PCDHGA3: variants seen among roughly 807,000 people sequenced by gnomAD.
PCDHGA3 encodes protocadherin gamma-A3.
In PCDHGA3, 40 loss-of-function variants were observed where a neutral mutation model predicts 58.5. The observed-to-expected ratio is 0.68, with a 90% CI of 0.53 to 0.89. PCDHGA3 has a LOEUF of 0.89. PCDHGA3 is among the 40% of genes least tolerant of loss of function. The pLI, the probability that PCDHGA3 is intolerant of heterozygous loss-of-function variation, is 0.00. For missense variants in PCDHGA3, 1,223 were observed against 1,195.9 expected, an observed-to-expected ratio of 1.02 and a Z score of -0.33; for synonymous variants, 530 against 525.7, an observed-to-expected ratio of 1.01 and a Z score of -0.11.
chr5:141,360,046 C>T, intron 1 of PCDHGA3: 1 of 1,430,464 alleles, frequency 7.0e-7, no homozygotes, highest in Non-Finnish European at 9.2e-7. Context: ...AAACAGAAAA[C>T]AAAAGCAGGA....
chr5:141,361,015 T>C (rs374836690), intron 1 of PCDHGA3: 72 of 1,613,142 alleles, frequency 4.5e-5, no homozygotes, highest in Non-Finnish European at 6.0e-5. Flanking sequence ...CTTTTTCAAC[T>C]TAAATGAAAA....
intron 1 of PCDHGA3, among the ~76,000 whole-genome samples, chr5:141,373,147 T>C (rs1769357441): frequency 6.6e-6 from 1 of 152,270 alleles, no homozygotes; most frequent in African/African-American, 2.4e-5. Flanking sequence ...TTAAGTGGTT[T>C]ACTTAGTTTT....
intron 2 of PCDHGA3, 91 bp from the exon 3 acceptor site, chr5:141,505,302 G>T: frequency 6.3e-7 from 1 of 1,592,714 alleles, no homozygotes; most frequent in Non-Finnish European, 8.5e-7. Context: ...TAGGGTTAGG[G>T]TACTAGGTTT....
At chr5:141,501,550 A>G (rs1251701030) in intron 2 of PCDHGA3, among the ~76,000 whole-genome samples, 3 of 152,078 alleles carry the variant, frequency 2.0e-5, no homozygotes, top group Non-Finnish European at 4.4e-5. Flanking sequence ...ATAAGATCAT[A>G]GGCCCTGGAA....
At chr5:141,354,048 A>G (rs889128312) in intron 1 of PCDHGA3, among the ~76,000 whole-genome samples, 1 of 152,256 alleles carries the variant, frequency 6.6e-6, no homozygotes, top group African/African-American at 2.4e-5. Flanking sequence ...GGCACATGCA[A>G]TGATAATCCA....
At chr5:141,356,269 C>T in intron 1 of PCDHGA3, 1 of 1,562,502 alleles carries the variant, frequency 6.4e-7, no homozygotes, top group Non-Finnish European at 8.7e-7. Context: ...CAGCTCAGTC[C>T]AGGAATCTTC....
At chr5:141,385,465 G>T in intron 1 of PCDHGA3, 1 of 1,441,910 alleles carries the variant, frequency 6.9e-7, no homozygotes, top group Non-Finnish European at 9.1e-7. Flanking sequence ...TCCTTCAGTG[G>T]TGACACTTTA....
In PCDHGA3 at chr5:141,345,460, C is replaced by T. The variant is rs1757577110; in HGVS notation, c.1427C>T (p.Ala476Val). 1 of 1,614,172 alleles carries T rather than the reference C, an allele frequency of 6.2e-7. No individual in the cohort carries two copies. The change falls in exon 1 of 4, where the codon GCC (alanine) becomes GTC (valine). Residue 476 changes from alanine (A) to valine (V), a missense_variant. By Grantham distance (64) the Ala-to-Val change is moderately conservative. Around this residue, in one of 3 missense-constraint regions of PCDHGA3, gnomAD observed 791 missense variants for 708.5 expected, o/e 1.12. Transcript: ENST00000253812. ...GGAGCCTCCATCTTCTCAGTGACAG[C>T]CCAGGACCCAGATAGCAACAACAAC... The part of the protein sequence containing the change: ...PRGASIFSVT[A>V]QDPDSNNNAR...
chr5:141,414,421 A>AGGGAACAG (rs1486483287), intron 1 of PCDHGA3: 1 of 1,613,776 alleles, frequency 6.2e-7, no homozygotes, highest in Non-Finnish European at 8.5e-7. Context: ...AGCCCTTGAC[A>AGGGAACAG]GGGAACAGGT....
chr5:141,428,266 G>A (rs764763674), intron 1 of PCDHGA3: 1 of 810,620 alleles, frequency 1.2e-6, no homozygotes. Context: ...TGACAGTCCT[G>A]TGCCCTCTGA....
In PCDHGA3 at chr5:141,347,143, CTT is replaced by C. The variant is rs1561493446; in HGVS notation, c.2424+688_2424+689del. On this transcript the variant is annotated intron_variant, in intron 1 of 3. Transcript: ENST00000253812. ...CCTTCCTTCCTCTGTTTCTCTCTTTCTTTCTTTCTTTCTTTCTTTCTTTCTTT... is the reference window on the plus strand; with the variant it reads ...CCTTCCTTCCTCTGTTTCTCTCTTTCTCTTTCTTTCTTTCTTTCTTTCTTT... Among the ~76,000 whole-genome samples the C allele has an allele frequency of 2.9e-5, 3 of 103,960 alleles. No homozygotes were observed. The East Asian group carries it at 6.4e-4, about 22-fold the overall frequency. 68.2% of individuals were successfully genotyped at this position (103,960 alleles called of 152,430 possible).
At chr5:141,399,642 G>C (rs755191053) in intron 1 of PCDHGA3, 3 of 1,613,750 alleles carry the variant, frequency 1.9e-6, no homozygotes, top group Non-Finnish European at 2.5e-6. Flanking sequence ...CCATGAGCGC[G>C]CAAAGTGGGG....
chr5:141,470,870 G>GT (rs1230952624), intron 1 of PCDHGA3, among the ~76,000 whole-genome samples: 1 of 151,546 alleles, frequency 6.6e-6, no homozygotes, highest in Non-Finnish European at 1.5e-5. Context: ...TTGTTTGTTT[G>GT]TTTTTTTGTT....
chr5:141,492,962 C>T (rs1197532146), intron 1 of PCDHGA3, among the ~76,000 whole-genome samples: 2 of 152,258 alleles, frequency 1.3e-5, no homozygotes, highest in Non-Finnish European at 2.9e-5. Context: ...CTATCTGACA[C>T]TCTAACAAGT....
intron 1 of PCDHGA3, among the ~76,000 whole-genome samples, chr5:141,462,012 G>A (rs1046109009): frequency 9.9e-5 from 15 of 152,128 alleles, no homozygotes; most frequent in Admixed American, 5.9e-4. Context: ...TAATAGAGAC[G>A]GGGTTTCTTC....
intron 1 of PCDHGA3, chr5:141,371,148 G>A: frequency 6.2e-7 from 1 of 1,614,010 alleles, no homozygotes; most frequent in Non-Finnish European, 8.5e-7. Flanking sequence ...GGTCAATGTT[G>A]CAGAGAACCT....
At chr5:141,374,287 C>G in intron 1 of PCDHGA3, 1 of 1,613,992 alleles carries the variant, frequency 6.2e-7, no homozygotes, top group Non-Finnish European at 8.5e-7. Flanking sequence ...GCATCGTCTC[C>G]AGAGGTAGGA....
At chr5:141,415,394 C>A (rs893251079) in intron 1 of PCDHGA3, 29 of 1,614,110 alleles carry the variant, frequency 1.8e-5, no homozygotes, top group Non-Finnish European at 2.3e-5. Context: ...ACAGGTGTGT[C>A]CGGCTCGCAC....
chr5:141,431,921 G>A lies in PCDHGA3; in HGVS notation c.2425-62886G>A. The A allele has an allele frequency of 1.9e-6, 3 of 1,614,142 alleles. No homozygotes were observed. Among genetic ancestry groups the A allele is most frequent in the South Asian group, 2.2e-5 (2 of 91,084 alleles). On this transcript the variant is annotated intron_variant, in intron 1 of 3. Transcript: ENST00000253812. The surrounding 1 kb of genome is among the most constrained non-coding windows in gnomAD (Gnocchi z 4.8). ...CGGACAGGTGATCTGTTTCATCCAA[G>A]GAAATCTGCCCTTTAAATTAGAAAA...
Sources: allele counts gnomAD v4.1 joint callset (sites outside exome capture counted in the v4.1 genomes callset), GRCh38; gene constraint gnomAD v4.1.1; regional missense constraint gnomAD v4.1.1; non-coding constraint Gnocchi (gnomAD v3.1); transcripts MANE v1.5; gene names NCBI Gene and HGNC (gene_info 2026-07-23, HGNC 2026-07-21).